PHTF2: variants seen among roughly 807,000 people sequenced by gnomAD.
PHTF2 encodes protein PHTF2.
In PHTF2, 60 loss-of-function variants were observed where a neutral mutation model predicts 101.2. The ratio of observed to expected loss-of-function variants is 0.59; its 90% CI spans 0.48 to 0.73. The LOEUF (loss-of-function observed/expected upper bound fraction) is 0.73. PHTF2 is among the 30% of genes least tolerant of loss of function. PHTF2 has a pLI of 0.00. For synonymous variants in PHTF2, 311 were observed against 307.3 expected, an observed-to-expected ratio of 1.01 and a Z score of -0.13; for missense variants, 747 against 908.7, an observed-to-expected ratio of 0.82 and a Z score of 2.29.
At chr7:77,918,187 T>C (rs1212421276) in intron 9 of PHTF2, among the ~76,000 whole-genome samples, 1 of 152,134 alleles carries the variant, frequency 6.6e-6, no homozygotes, top group Non-Finnish European at 1.5e-5. Context: ...CAAAGACCCT[T>C]TTACTGGCCT....
intron 3 of PHTF2, among the ~76,000 whole-genome samples, chr7:77,887,536 T>C (rs1013696986): frequency 6.6e-6 from 1 of 152,202 alleles, no homozygotes. Context: ...GACTTCAGTC[T>C]TCTCAGGGAA....
intron 2 of PHTF2, among the ~76,000 whole-genome samples, chr7:77,853,599 G>T (rs2150635305): frequency 6.6e-6 from 1 of 152,042 alleles, no homozygotes; most frequent in Admixed American, 6.6e-5. Context: ...TCAACATGTT[G>T]CCCCGGCTGG....
chr7:77,881,567 C>T (rs1365853551), intron 3 of PHTF2, among the ~76,000 whole-genome samples: 5 of 149,642 alleles, frequency 3.3e-5, no homozygotes, highest in African/African-American at 7.4e-5. Context: ...GATAGGCTTT[C>T]GCCATGTTGC....
At position 77,953,625 on chromosome 7, in the gene PHTF2, G is replaced by C. The variant is rs1438438542; in HGVS notation, c.2212-144G>C. 5.5e-5 allele frequency: 32 copies of C among 580,292 alleles called. No individual in the cohort carries two copies. In the East Asian group the frequency reaches 9.5e-4, roughly 17 times the overall value. The allele number at this position is 580,292 out of a possible 1,614,324, so 35.9% of individuals were successfully genotyped here. ...TATTATTGAAATTTACTTCTTTCAAGTTTAACCAAGTTTATCCTTTCTAAA... is the reference window on the plus strand; with the variant it reads ...TATTATTGAAATTTACTTCTTTCAACTTTAACCAAGTTTATCCTTTCTAAA... On this transcript the variant is annotated intron_variant, in intron 18 of 19. Coordinates refer to ENST00000416283, the Ensembl canonical transcript of PHTF2.
chr7:77,880,060 C>G (rs1212882123), intron 3 of PHTF2, among the ~76,000 whole-genome samples: 1 of 152,176 alleles, frequency 6.6e-6, no homozygotes, highest in Non-Finnish European at 1.5e-5. Context: ...CACACAGTTG[C>G]TCTACTGTTG....
At chr7:77,827,725 C>G (rs1794789297) in intron 1 of PHTF2, among the ~76,000 whole-genome samples, 2 of 151,916 alleles carry the variant, frequency 1.3e-5, no homozygotes, top group Non-Finnish European at 2.9e-5. Context: ...TCACTGTCTG[C>G]TCCTCCCAGG....
chr7:77,898,897 C>G (rs973401508), intron 5 of PHTF2, among the ~76,000 whole-genome samples: 1 of 152,104 alleles, frequency 6.6e-6, no homozygotes, highest in Non-Finnish European at 1.5e-5. Context: ...CCCCTGGGTT[C>G]AAACAGTTCT....
intron 3 of PHTF2, among the ~76,000 whole-genome samples, chr7:77,890,865 A>G (rs1244019447): frequency 6.6e-6 from 1 of 150,422 alleles, no homozygotes; most frequent in Non-Finnish European, 1.5e-5. Flanking sequence ...TCGGCCTCCC[A>G]AAGTGCTGGG....
intron 1 of PHTF2, among the ~76,000 whole-genome samples, chr7:77,839,499 ATC>A (rs1476428162): frequency 6.6e-6 from 1 of 152,206 alleles, no homozygotes; most frequent in Non-Finnish European, 1.5e-5. Context: ...AGCAGTTTTA[ATC>A]TGTTTCTTGT....
At chr7:77,827,542 T>G (rs1223964420) in intron 1 of PHTF2, among the ~76,000 whole-genome samples, 1 of 151,856 alleles carries the variant, frequency 6.6e-6, no homozygotes, top group Non-Finnish European at 1.5e-5. Flanking sequence ...TTAGTAGAGA[T>G]GGGGTTTCAC....
chr7:77,878,630 T>G (rs1305625443), intron 3 of PHTF2, among the ~76,000 whole-genome samples: 8 of 152,156 alleles, frequency 5.3e-5, no homozygotes, highest in Non-Finnish European at 1.0e-4. Context: ...ATAAACTAAA[T>G]TCCTTCCAAA....
At chr7:77,836,359 G>T (rs1427860115) in intron 1 of PHTF2, among the ~76,000 whole-genome samples, 3 of 152,090 alleles carry the variant, frequency 2.0e-5, no homozygotes, top group African/African-American at 7.2e-5. Context: ...AAATCCACAT[G>T]TAAGCGGACC....
intron 3 of PHTF2, among the ~76,000 whole-genome samples, chr7:77,890,554 A>G (rs1344564756): frequency 6.7e-6 from 1 of 149,562 alleles, no homozygotes; most frequent in Non-Finnish European, 1.5e-5. Context: ...ATTAGTTTTA[A>G]TTATTATTTT....
intron 5 of PHTF2, among the ~76,000 whole-genome samples, chr7:77,896,751 T>C (rs1800909976): frequency 6.6e-6 from 1 of 152,204 alleles, no homozygotes. Context: ...CTGTGGTGTA[T>C]TAATGTTAAT....
intron 1 of PHTF2, among the ~76,000 whole-genome samples, chr7:77,799,888 G>T (rs1295936576): frequency 6.6e-6 from 1 of 152,078 alleles, no homozygotes; most frequent in Non-Finnish European, 1.5e-5. Context: ...TGTAGTTTTC[G>T]GTTGCTTTCT....
At chr7:77,890,029 C>CT (rs551280359) in intron 3 of PHTF2, among the ~76,000 whole-genome samples, 26 of 150,700 alleles carry the variant, frequency 1.7e-4, no homozygotes, top group Non-Finnish European at 3.3e-4. Context: ...CGCGCCCCCC[C>CT]CCACCACCAT....
intron 3 of PHTF2, among the ~76,000 whole-genome samples, chr7:77,859,420 A>G (rs888883473): frequency 6.6e-6 from 1 of 152,106 alleles, no homozygotes; most frequent in Non-Finnish European, 1.5e-5. Flanking sequence ...TGAGTAAGAG[A>G]AGGTCAGGAT....
At chr7:77,864,473 C>G (rs946588638) in intron 3 of PHTF2, among the ~76,000 whole-genome samples, 1 of 152,182 alleles carries the variant, frequency 6.6e-6, no homozygotes, top group Non-Finnish European at 1.5e-5. Context: ...GGTCTAATTC[C>G]AGTTAGCTTT....
intron 12 of PHTF2, among the ~76,000 whole-genome samples, chr7:77,935,237 T>TTTTC (rs1805005556): frequency 6.9e-6 from 1 of 144,232 alleles, no homozygotes; most frequent in Non-Finnish European, 1.5e-5. Flanking sequence ...TTTTTTTTTT[T>TTTTC]TTTCAGACGG....
Sources: gnomAD v4.1 joint callset for allele counts (sites outside exome capture counted in the v4.1 genomes callset) on GRCh38, gnomAD v4.1.1 for gene constraint, MANE v1.5 for transcripts, NCBI Gene and HGNC (gene_info 2026-07-23, HGNC 2026-07-21) for gene names.